TENM2: variants seen among roughly 807,000 people sequenced by gnomAD.
TENM2 encodes teneurin transmembrane protein 2.
In TENM2, 52 loss-of-function variants were observed where a neutral mutation model predicts 245.2. The observed-to-expected ratio is 0.21, with a 90% CI of 0.17 to 0.27. TENM2 has a LOEUF of 0.27. Among genes scored for constraint, TENM2 ranks in the 10% least tolerant of loss-of-function variants. TENM2 has a pLI of 1.00. For synonymous variants in TENM2, 1,363 were observed against 1,438.9 expected, an observed-to-expected ratio of 0.95 and a Z score of 1.19; for missense variants, 3,046 against 3,666.8, an observed-to-expected ratio of 0.83 and a Z score of 4.37.
At chr5:167,286,725 T>C (rs1754294204) in intron 1 of TENM2, among the ~76,000 whole-genome samples, 1 of 152,216 alleles carries the variant, frequency 6.6e-6, no homozygotes, top group Non-Finnish European at 1.5e-5. Context: ...CTAAGTTTTA[T>C]TAAAAGTGCA....
At chr5:168,153,064 A>T (rs1276107731) in intron 12 of TENM2, among the ~76,000 whole-genome samples, 1 of 152,176 alleles carries the variant, frequency 6.6e-6, no homozygotes, top group Non-Finnish European at 1.5e-5. Flanking sequence ...CATTCAACAG[A>T]TATCTTTAAT....
Position 167,672,513 on chromosome 5 carries a change from A to T in TENM2, c.503-203473A>T, listed in dbSNP as rs185713408. Reference sequence around the variant, plus strand: ...AGTACTAGAGGGGTGAATGGATCACATACATACCCCACAGGCAAGTTTCCT... The same window carrying T: ...AGTACTAGAGGGGTGAATGGATCACTTACATACCCCACAGGCAAGTTTCCT... On this transcript the variant is annotated intron_variant, in intron 2 of 28. Coordinates refer to ENST00000518659, the Ensembl canonical transcript of TENM2. Among the ~76,000 whole-genome samples, 700 of 152,190 alleles carry T rather than the reference A, an allele frequency of 4.6e-3. 5 individuals carry two copies. The highest frequency in any genetic ancestry group is 8.8e-3 in the Non-Finnish European group (595 of 67,984).
chr5:167,428,608 A>G (rs1192385224), intron 2 of TENM2, among the ~76,000 whole-genome samples: 2 of 152,214 alleles, frequency 1.3e-5, no homozygotes, highest in African/African-American at 2.4e-5. Flanking sequence ...AAGTAAAATG[A>G]TTAATTTGCC....
intron 13 of TENM2, among the ~76,000 whole-genome samples, chr5:168,185,780 G>C (rs973969736): frequency 2.0e-5 from 3 of 151,340 alleles, no homozygotes; most frequent in Admixed American, 2.0e-4. Context: ...TACACCAGTG[G>C]ATGACTCTAA....
chr5:167,859,380 G>C (rs1240725095), intron 2 of TENM2, among the ~76,000 whole-genome samples: 1 of 114,164 alleles, frequency 8.8e-6, no homozygotes, highest in African/African-American at 3.3e-5. Context: ...GAGGGAGGTG[G>C]GGGGGGTCAG....
intron 3 of TENM2, among the ~76,000 whole-genome samples, chr5:167,891,906 T>A (rs558980106): frequency 6.6e-6 from 1 of 152,262 alleles, no homozygotes; most frequent in Non-Finnish European, 1.5e-5. Flanking sequence ...CAGCATGAGA[T>A]CCTCTTTTCC....
chr5:167,983,357 T>A (rs76025679), intron 4 of TENM2, among the ~76,000 whole-genome samples: 1 of 152,324 alleles, frequency 6.6e-6, no homozygotes, highest in Non-Finnish European at 1.5e-5. Context: ...TATCACAGTG[T>A]GACACTATTT....
At chr5:166,996,526 C>A in the TENM2 span, among the ~76,000 whole-genome samples, 1 of 152,152 alleles carries the variant, frequency 6.6e-6, no homozygotes, top group African/African-American at 2.4e-5. Flanking sequence ...TCGAGCCTTT[C>A]GGCTTATTAA....
At chr5:167,892,264 T>C (rs1198830938) in intron 3 of TENM2, among the ~76,000 whole-genome samples, 2 of 152,244 alleles carry the variant, frequency 1.3e-5, no homozygotes, top group Non-Finnish European at 2.9e-5. Flanking sequence ...TAGGTTCTTA[T>C]AAGTCAAATA....
chr5:167,830,508 G>T (rs577966615), intron 2 of TENM2, among the ~76,000 whole-genome samples: 16 of 152,150 alleles, frequency 1.1e-4, no homozygotes, highest in African/African-American at 3.6e-4. Flanking sequence ...TTGGTTCTAG[G>T]CCCCTGGCAT....
intron 5 of TENM2, among the ~76,000 whole-genome samples, chr5:168,009,224 C>A (rs941091924): frequency 6.6e-6 from 1 of 152,282 alleles, no homozygotes; most frequent in East Asian, 1.9e-4. Flanking sequence ...GAGTCTATAC[C>A]GTTGCCCTTT....
intron 3 of TENM2, among the ~76,000 whole-genome samples, chr5:167,911,219 G>A (rs1035560484): frequency 3.6e-4 from 55 of 152,244 alleles, no homozygotes; most frequent in African/African-American, 1.2e-3. Flanking sequence ...ATGTTGTAGA[G>A]TGGTTAGTGA....
chr5:167,714,234 C>T (rs1759102187), intron 2 of TENM2, among the ~76,000 whole-genome samples: 1 of 152,182 alleles, frequency 6.6e-6, no homozygotes, highest in South Asian at 2.1e-4. Flanking sequence ...TCTTGATTTT[C>T]ATGTTCTAGC....
chr5:167,139,736 A>T, the TENM2 span, among the ~76,000 whole-genome samples: 1 of 152,244 alleles, frequency 6.6e-6, no homozygotes, highest in African/African-American at 2.4e-5. Context: ...ATCCACAAAG[A>T]TTTAATGAAA....
At chr5:167,620,806 T>G (rs1403482075) in intron 2 of TENM2, among the ~76,000 whole-genome samples, 1 of 152,076 alleles carries the variant, frequency 6.6e-6, no homozygotes, top group East Asian at 1.9e-4. Flanking sequence ...TGTCTCAGGT[T>G]ATTTTTTGGT....
At chr5:167,991,440 A>G (rs1418852290) in intron 4 of TENM2, among the ~76,000 whole-genome samples, 1 of 152,234 alleles carries the variant, frequency 6.6e-6, no homozygotes, top group African/African-American at 2.4e-5. Context: ...CTCCTGCCTT[A>G]AATCCCACTA....
At chr5:167,477,635 T>G (rs1173242853) in intron 2 of TENM2, among the ~76,000 whole-genome samples, 3 of 152,226 alleles carry the variant, frequency 2.0e-5, no homozygotes, top group Non-Finnish European at 2.9e-5. Flanking sequence ...TCACCAGTTT[T>G]CTCAAAGTGG....
At chr5:168,042,330 G>T (rs1393006408) in intron 5 of TENM2, among the ~76,000 whole-genome samples, 1 of 152,056 alleles carries the variant, frequency 6.6e-6, no homozygotes, top group African/African-American at 2.4e-5. Context: ...GCTCCTGGGG[G>T]CCTGCTCGGC....
At chr5:166,979,235 A>AGCAGCAGCAGCAGCC in the TENM2 span, among the ~76,000 whole-genome samples, 17 of 142,946 alleles carry the variant, frequency 1.2e-4, no homozygotes, top group South Asian at 6.8e-4. Context: ...CAGCAGCAGC[A>AGCAGCAGCAGCAGCC]GCCGCCGCGG....
Sources: gnomAD v4.1 joint callset for allele counts (sites outside exome capture counted in the v4.1 genomes callset) on GRCh38, gnomAD v4.1.1 for gene constraint, MANE v1.5 for transcripts, NCBI Gene and HGNC (gene_info 2026-07-23, HGNC 2026-07-21) for gene names.